ATP8A2: variants seen among roughly 807,000 people sequenced by gnomAD.
ATP8A2 encodes the protein phospholipid-transporting ATPase IB.
ATP8A2 carries 100 observed loss-of-function variants against 165.6 expected under a neutral mutation model. That is an observed-to-expected ratio of 0.60 (90% CI 0.51 to 0.71). ATP8A2 has a LOEUF of 0.71. Ranked by LOEUF, ATP8A2 falls within the 30% of genes least tolerant of loss-of-function variation. The pLI is 0.00. For synonymous variants in ATP8A2, 543 were observed against 548.8 expected, an observed-to-expected ratio of 0.99 and a Z score of 0.15; for missense variants, 1,227 against 1,479.5, an observed-to-expected ratio of 0.83 and a Z score of 2.80.
chr13:25,399,394 CTTCTTTTTTTTTT>C, intron 1 of ATP8A2, among the ~76,000 whole-genome samples: 1 of 21,256 alleles, frequency 4.7e-5, no homozygotes, highest in South Asian at 2.2e-3. Flanking sequence ...CTTAGTGGTT[CTTCTTTTTTTTTT>C]TTTTTTTTTG....
intron 35 of ATP8A2, among the ~76,000 whole-genome samples, chr13:25,990,261 T>TAAAAAAAAAAAAAAAAAAAAAAA (rs3056351): frequency 9.2e-6 from 1 of 108,370 alleles, no homozygotes; most frequent in Non-Finnish European, 1.8e-5. Context: ...CATGTAACTG[T>TAAAAAAAAAAAAAAAAAAAAAAA]AAAAAAAAAA....
chr13:25,954,705 A>T (rs553126929), intron 33 of ATP8A2, among the ~76,000 whole-genome samples: 1 of 152,316 alleles, frequency 6.6e-6, no homozygotes, highest in East Asian at 1.9e-4. Context: ...TCTGCTGTTG[A>T]TACCCAGACA....
At chr13:25,419,759 G>A (rs537448364) in intron 1 of ATP8A2, among the ~76,000 whole-genome samples, 12 of 152,262 alleles carry the variant, frequency 7.9e-5, no homozygotes, top group East Asian at 5.8e-4. Context: ...TAAGATTAAC[G>A]ATTAGGAAAC....
At chr13:25,513,526 A>G (rs2037349673) in intron 2 of ATP8A2, among the ~76,000 whole-genome samples, 1 of 151,560 alleles carries the variant, frequency 6.6e-6, no homozygotes, top group Non-Finnish European at 1.5e-5. Context: ...GGCGGCCAGG[A>G]GAGACGCTCC....
At position 25,709,980 on chromosome 13, in the gene ATP8A2, T is replaced by C. The variant is rs2043127716; in HGVS notation, c.2384+10635T>C. On this transcript the variant is annotated intron_variant, in intron 25 of 36. Coordinates refer to ENST00000381655, the MANE Select transcript of ATP8A2 (RefSeq NM_016529.6). Reference sequence around the variant, plus strand: ...TTTATTTGAAATCTGCTGCCAAGAGTCTTCAGGATAACTCATCGCTGGGTG... The same window carrying C: ...TTTATTTGAAATCTGCTGCCAAGAGCCTTCAGGATAACTCATCGCTGGGTG... Among the ~76,000 whole-genome samples the C allele has an allele frequency of 3.9e-5, 6 of 152,298 alleles. No individual in the cohort carries two copies. In the South Asian group the frequency reaches 1.2e-3, roughly 32 times the overall value.
intron 33 of ATP8A2, among the ~76,000 whole-genome samples, chr13:25,865,400 A>C (rs1952479566): frequency 6.6e-6 from 1 of 152,228 alleles, no homozygotes. Context: ...GCCTAATAGC[A>C]AACAGCATTT....
chr13:25,604,139 G>A (rs1282388163), intron 24 of ATP8A2, among the ~76,000 whole-genome samples: 2 of 152,212 alleles, frequency 1.3e-5, no homozygotes, highest in African/African-American at 4.8e-5. Flanking sequence ...AGAAGCAAGA[G>A]AGTTTGAGAA....
At chr13:25,691,848 C>G (rs2042732347) in intron 24 of ATP8A2, among the ~76,000 whole-genome samples, 1 of 152,220 alleles carries the variant, frequency 6.6e-6, no homozygotes, top group South Asian at 2.1e-4. Flanking sequence ...CGGCTTCAGC[C>G]TTGGCAGCTT....
intron 1 of ATP8A2, among the ~76,000 whole-genome samples, chr13:25,392,857 C>T (rs2418837): frequency 0.94 from 142,714 of 151,436 alleles, 67,539 homozygotes; most frequent in East Asian, 1. Flanking sequence ...AGGAGGATTG[C>T]TTCAGGCCAG....
At chr13:25,805,804 CTTA>C (rs1436062457) in intron 27 of ATP8A2, among the ~76,000 whole-genome samples, 3 of 152,162 alleles carry the variant, frequency 2.0e-5, no homozygotes, top group Middle Eastern at 3.4e-3. Flanking sequence ...AATGTAAGAA[CTTA>C]TTAGTTCTCA....
At chr13:25,613,267 G>T (rs1017551166) in intron 24 of ATP8A2, among the ~76,000 whole-genome samples, 1 of 152,118 alleles carries the variant, frequency 6.6e-6, no homozygotes, top group African/African-American at 2.4e-5. Flanking sequence ...TTGAGGATTT[G>T]TTTTAAGATT....
intron 33 of ATP8A2, among the ~76,000 whole-genome samples, chr13:25,904,668 T>C (rs917410993): frequency 2.0e-5 from 3 of 152,234 alleles, no homozygotes; most frequent in African/African-American, 4.8e-5. Context: ...GTCAGTGTTA[T>C]AGTTTTCCCT....
intron 27 of ATP8A2, among the ~76,000 whole-genome samples, chr13:25,782,523 C>G (rs932899983): frequency 2.0e-5 from 3 of 152,142 alleles, no homozygotes; most frequent in African/African-American, 7.2e-5. Flanking sequence ...ACAGTCATCC[C>G]TTAGTATCCA....
At chr13:25,501,816 G>A (rs1333039762) in intron 2 of ATP8A2, among the ~76,000 whole-genome samples, 1 of 152,176 alleles carries the variant, frequency 6.6e-6, no homozygotes, top group Non-Finnish European at 1.5e-5. Context: ...GGGACTCTGA[G>A]GAGATGTCTT....
chr13:25,833,538 T>G (rs973019727), intron 28 of ATP8A2, among the ~76,000 whole-genome samples: 2 of 151,982 alleles, frequency 1.3e-5, no homozygotes, highest in Non-Finnish European at 2.9e-5. Context: ...ATTCCCATTC[T>G]AGAGTCAGAT....
At chr13:25,830,558 T>C (rs1951435605) in intron 28 of ATP8A2, among the ~76,000 whole-genome samples, 2 of 152,142 alleles carry the variant, frequency 1.3e-5, no homozygotes, top group Non-Finnish European at 2.9e-5. Context: ...TTGCTCATAC[T>C]GGAGGGGCCA....
chr13:25,676,373 T>C (rs760697401), intron 24 of ATP8A2, among the ~76,000 whole-genome samples: 1 of 152,096 alleles, frequency 6.6e-6, no homozygotes, highest in Non-Finnish European at 1.5e-5. Context: ...CCGGCTTGAG[T>C]TGTCCTGGAA....
At chr13:25,782,516 G>A (rs149661815) in intron 27 of ATP8A2, among the ~76,000 whole-genome samples, 1 of 152,136 alleles carries the variant, frequency 6.6e-6, no homozygotes, top group African/African-American at 2.4e-5. Flanking sequence ...GGTGAGTACA[G>A]TCATCCCTTA....
At chr13:25,638,548 G>A (rs545449633) in intron 24 of ATP8A2, among the ~76,000 whole-genome samples, 39 of 152,276 alleles carry the variant, frequency 2.6e-4, no homozygotes, top group Middle Eastern at 3.4e-3. Context: ...GAGAAGAGAA[G>A]TTTAGAGAAA....
Sources: allele counts gnomAD v4.1 joint callset (sites outside exome capture counted in the v4.1 genomes callset), GRCh38; gene constraint gnomAD v4.1.1; transcripts MANE v1.5; gene names NCBI Gene and HGNC (gene_info 2026-07-23, HGNC 2026-07-21).